Variants in WDFY4 observed in about 807,000 individuals in gnomAD.
WDFY4 encodes the protein WDFY family member 4.
A neutral mutation model predicts 351.9 loss-of-function variants in WDFY4; 169 were observed. The observed-to-expected ratio is 0.48, with a 90% CI of 0.42 to 0.55. The LOEUF is 0.55. Ranked by LOEUF, WDFY4 falls within the 20% of genes least tolerant of loss-of-function variation. The pLI, the probability that WDFY4 is intolerant of heterozygous loss-of-function variation, is 0.00. For missense variants in WDFY4, 3,803 were observed against 3,935.6 expected (o/e 0.97, Z 0.90); for synonymous variants, 1,622 against 1,574.6 (o/e 1.03, Z -0.71).
At chr10:48,804,732 G>A (rs1027292984) in intron 25 of WDFY4, 2 of 985,028 alleles carry the variant, frequency 2.0e-6, no homozygotes. Flanking sequence ...TTTTCTTTGG[G>A]GGAGTAGAAT....
intron 47 of WDFY4, among the ~76,000 whole-genome samples, chr10:48,918,815 T>C (rs569211433): frequency 6.6e-6 from 1 of 152,274 alleles, no homozygotes; most frequent in East Asian, 1.9e-4. Context: ...TTTAGCAGAG[T>C]AAGGCCAGAA....
chr10:48,841,241 T>G (rs1166628700), intron 39 of WDFY4, among the ~76,000 whole-genome samples: 2 of 152,240 alleles, frequency 1.3e-5, no homozygotes, highest in East Asian at 1.9e-4. Context: ...AGCAAGGTAA[T>G]AAGTACTATA....
chr10:48,946,603 C>G (rs11101571), intron 50 of WDFY4, among the ~76,000 whole-genome samples: 1 of 152,268 alleles, frequency 6.6e-6, no homozygotes, highest in East Asian at 1.9e-4. Flanking sequence ...ATCACAGCCT[C>G]TAAATGGCAG....
intron 24 of WDFY4, among the ~76,000 whole-genome samples, chr10:48,799,497 C>T (rs936506398): frequency 5.3e-5 from 8 of 152,118 alleles, no homozygotes; most frequent in African/African-American, 1.9e-4. Context: ...GGAGAAACGG[C>T]CGGGCTTGGT....
intron 28 of WDFY4, among the ~76,000 whole-genome samples, chr10:48,809,565 ACAT>A (rs1408181576): frequency 7.2e-6 from 1 of 138,268 alleles, no homozygotes; most frequent in Non-Finnish European, 1.6e-5. Context: ...ACCATCATCA[ACAT>A]CATCAACATC....
intron 13 of WDFY4, among the ~76,000 whole-genome samples, chr10:48,761,608 C>T (rs1002544005): frequency 6.6e-6 from 1 of 152,196 alleles, no homozygotes; most frequent in Admixed American, 6.5e-5. Flanking sequence ...CCCGGCAGAA[C>T]TAACAGCCTC....
rs977886493 is a variant in WDFY4, at chr10:48,743,606, C to A, written c.2459+58C>A. 6 of 1,482,508 alleles carry A rather than the reference C, an allele frequency of 4.0e-6. No individual in the cohort carries two copies. In the African/African-American group the frequency reaches 4.2e-5, roughly 10 times the overall value. 91.8% of individuals were successfully genotyped at this position (1,482,508 alleles called of 1,614,324 possible). ...TCTCTGTCTCCCATTCTCACTCTAA[C>A]GTCTTGCGCATGTGTACTCAGTAGG... On this transcript the variant is annotated intron_variant, in intron 12 of 61. Coordinates refer to ENST00000325239, the MANE Select transcript of WDFY4 (RefSeq NM_001394531.1).
intron 39 of WDFY4, among the ~76,000 whole-genome samples, chr10:48,834,287 G>T (rs866309139): frequency 6.6e-6 from 1 of 152,062 alleles, no homozygotes; most frequent in Non-Finnish European, 1.5e-5. Flanking sequence ...AAAAAAGAAA[G>T]TTAAGGGCTT....
chr10:48,756,958 G>A (rs7910839), intron 12 of WDFY4, among the ~76,000 whole-genome samples: 3,869 of 152,066 alleles, frequency 0.025, 172 homozygotes, highest in African/African-American at 0.088. Flanking sequence ...AAATGAATTG[G>A]GAAGTGTTCC....
intron 51 of WDFY4, among the ~76,000 whole-genome samples, chr10:48,951,629 A>G (rs2133801358): frequency 6.6e-6 from 1 of 151,284 alleles, no homozygotes; most frequent in East Asian, 1.9e-4. Flanking sequence ...CAAAGAAACA[A>G]AAAAAAGCAC....
chr10:48,978,945 A>G (rs1842692919), intron 60 of WDFY4: 2 of 152,756 alleles, frequency 1.3e-5, no homozygotes, highest in Non-Finnish European at 2.9e-5. Context: ...TGCCTTCTGA[A>G]AAGAGTAGAC....
At chr10:48,797,134 G>A (rs974296612) in intron 24 of WDFY4, among the ~76,000 whole-genome samples, 2 of 152,186 alleles carry the variant, frequency 1.3e-5, no homozygotes, top group African/African-American at 4.8e-5. Context: ...CAGAATTCAG[G>A]GGGAAAATAA....
chr10:48,927,560 G>T (rs1839678755), intron 47 of WDFY4, among the ~76,000 whole-genome samples: 1 of 152,144 alleles, frequency 6.6e-6, no homozygotes, highest in Non-Finnish European at 1.5e-5. Flanking sequence ...TGGTTAATTT[G>T]ATCAACCAAG....
At chr10:48,866,313 C>A (rs1280414212) in intron 39 of WDFY4, among the ~76,000 whole-genome samples, 1 of 151,952 alleles carries the variant, frequency 6.6e-6, no homozygotes, top group Non-Finnish European at 1.5e-5. Context: ...TCAAAAAGTT[C>A]CCTTTTGATT....
intron 43 of WDFY4, among the ~76,000 whole-genome samples, chr10:48,887,833 AT>A (rs200433574): frequency 0.034 from 5,146 of 152,114 alleles, 286 homozygotes; most frequent in African/African-American, 0.12. Flanking sequence ...AAAATGACTT[AT>A]CTGCAAGGAT....
At chr10:48,861,462 G>T (rs961192327) in intron 39 of WDFY4, among the ~76,000 whole-genome samples, 11 of 152,092 alleles carry the variant, frequency 7.2e-5, no homozygotes, top group African/African-American at 2.7e-4. Context: ...ATTTTTGCTG[G>T]ATATAGGATA....
intron 25 of WDFY4, 24 bp downstream of exon 25, chr10:48,803,383 G>A (rs763746312): frequency 1.6e-5 from 25 of 1,550,400 alleles, no homozygotes; most frequent in Non-Finnish European, 2.2e-5. Context: ...TGGCAGCCTG[G>A]GGGTTAGAAC....
At chr10:48,805,501 C>A in intron 26 of WDFY4, 80 bp downstream of exon 26, 1 of 1,475,276 alleles carries the variant, frequency 6.8e-7, no homozygotes, top group Non-Finnish European at 9.0e-7. Context: ...AGCTCTCTCC[C>A]CATTGTGCTC....
At chr10:48,687,885 G>A (rs1052740740) in intron 1 of WDFY4, among the ~76,000 whole-genome samples, 7 of 151,660 alleles carry the variant, frequency 4.6e-5, no homozygotes, top group African/African-American at 1.2e-4. Flanking sequence ...AGGTTCAAGC[G>A]ATTCCTCTGC....
Sources: allele counts gnomAD v4.1 joint callset (sites outside exome capture counted in the v4.1 genomes callset), GRCh38; gene constraint gnomAD v4.1.1; transcripts MANE v1.5; gene names NCBI Gene and HGNC (gene_info 2026-07-23, HGNC 2026-07-21).